MFSD11: variants seen among roughly 807,000 people sequenced by gnomAD.
MFSD11 encodes major facilitator superfamily domain containing 11, also known as UNC93-like protein MFSD11.
MFSD11 carries 36 observed loss-of-function variants against 53.5 expected under a neutral mutation model. The ratio of observed to expected loss-of-function variants is 0.67; its 90% CI spans 0.52 to 0.89. The LOEUF is 0.89. Among genes scored for constraint, MFSD11 ranks in the 40% least tolerant of loss-of-function variants. MFSD11 has a pLI of 0.00. For synonymous variants in MFSD11, 186 were observed against 184.9 expected (o/e 1.01, Z -0.05); for missense variants, 530 against 543.9 (o/e 0.97, Z 0.25).
the MFSD11 span, among the ~76,000 whole-genome samples, chr17:76,791,598 T>C: frequency 6.7e-6 from 1 of 148,744 alleles, no homozygotes; most frequent in African/African-American, 2.5e-5. Context: ...GCTGAATCCA[T>C]GTGCCGTGGG....
rs1022761039 is a variant in MFSD11, at chr17:76,743,337, T to A, written c.438-61T>A. ...AACAAATAATGGGAATAATTATTTT[T>A]AAAAAACTATAAATATTAAAATAAT... On this transcript the variant is annotated intron_variant, in intron 5 of 12. Coordinates refer to ENST00000685175, the MANE Select transcript of MFSD11 (RefSeq NM_001242532.5). The A allele has an allele frequency of 4.6e-5, 51 of 1,114,996 alleles. 1 individual carries two copies. Among genetic ancestry groups the A allele is most frequent in the South Asian group, 2.2e-4 (14 of 63,534 alleles). 69.1% of individuals were successfully genotyped at this position (1,114,996 alleles called of 1,614,324 possible). A position where few individuals can be genotyped will look rare whatever the true frequency, so the allele number is the denominator to read the frequency against.
intron 1 of MFSD11, 49 bp downstream of exon 1, chr17:76,738,497 G>C: frequency 7.4e-7 from 1 of 1,344,602 alleles, no homozygotes; most frequent in South Asian, 1.2e-5. Flanking sequence ...TCATAATGCA[G>C]TCCAGAAATG....
At chr17:76,784,841 T>G (rs181607472), downstream of MFSD11, among the ~76,000 whole-genome samples, 522 of 151,532 alleles carry the variant, frequency 3.4e-3, 2 homozygotes, top group Non-Finnish European at 4.9e-3. Flanking sequence ...AGAGGTTACA[T>G]CAAGCAGAGA....
At chr17:76,747,626 C>T (rs1180934080) in intron 7 of MFSD11, among the ~76,000 whole-genome samples, 1 of 152,162 alleles carries the variant, frequency 6.6e-6, no homozygotes, top group Non-Finnish European at 1.5e-5. Context: ...AGCCACCGCG[C>T]CTGGCAAAAC....
downstream of MFSD11, among the ~76,000 whole-genome samples, chr17:76,780,134 A>G (rs1466735057): frequency 6.6e-6 from 1 of 152,190 alleles, no homozygotes; most frequent in African/African-American, 2.4e-5. Context: ...GTCCCATTTT[A>G]AAGTGTACAT....
downstream of MFSD11, among the ~76,000 whole-genome samples, chr17:76,786,258 C>T (rs1349271871): frequency 6.6e-6 from 1 of 151,078 alleles, no homozygotes; most frequent in Non-Finnish European, 1.5e-5. Context: ...GATTCTCCTG[C>T]CTCAGCCTCC....
chr17:76,759,144 C>G (rs1020568866), intron 8 of MFSD11, among the ~76,000 whole-genome samples: 1 of 152,084 alleles, frequency 6.6e-6, no homozygotes, highest in Non-Finnish European at 1.5e-5. Context: ...GCTATTAATA[C>G]TTGGAGGGCT....
intron 8 of MFSD11, among the ~76,000 whole-genome samples, chr17:76,759,206 A>G (rs1421888525): frequency 6.6e-6 from 1 of 152,156 alleles, no homozygotes; most frequent in African/African-American, 2.4e-5. Context: ...GAGAATTATG[A>G]TCACACCACT....
chr17:76,774,947 A>G lies in MFSD11; in HGVS notation c.875-50A>G, dbSNP rs1444401312. 3 of 1,577,012 alleles carry G rather than the reference A, an allele frequency of 1.9e-6. No individual in the cohort carries two copies. In the African/African-American group the frequency reaches 4.1e-5, roughly 21 times the overall value. On this transcript the variant is annotated intron_variant, in intron 10 of 12. Transcript: ENST00000685175. ...CCTTGGTGGTAACTCAGGCCTGGGT[A>G]TGTGATGTTTCGGCAACATTAGTGA... is the stretch of plus-strand genomic sequence containing the variant.
At chr17:76,762,542 C>T (rs1372403200) in intron 8 of MFSD11, among the ~76,000 whole-genome samples, 3 of 151,800 alleles carry the variant, frequency 2.0e-5, no homozygotes, top group Non-Finnish European at 1.5e-5. Context: ...TGGCGGGCAC[C>T]TGTAGTCCCA....
At chr17:76,741,824 T>C (rs964942891) in intron 3 of MFSD11, 145 bp from the exon 4 acceptor site, 1 of 1,253,920 alleles carries the variant, frequency 8.0e-7, no homozygotes, top group Non-Finnish European at 1.1e-6. Context: ...GAAAGTTGAT[T>C]GTGTCCCTTT....
At chr17:76,744,884 G>T (rs1753920371) in intron 7 of MFSD11, among the ~76,000 whole-genome samples, 1 of 152,220 alleles carries the variant, frequency 6.6e-6, no homozygotes, top group South Asian at 2.1e-4. Flanking sequence ...GAGTGGCAGG[G>T]CCAGTGATGG....
chr17:76,756,850 ACT>A (rs2079690212), intron 8 of MFSD11, among the ~76,000 whole-genome samples: 4 of 149,278 alleles, frequency 2.7e-5, no homozygotes, highest in Non-Finnish European at 5.9e-5. Context: ...ACAGAGTGAG[ACT>A]CCATCTCAGA....
chr17:76,753,700 A>AAAAAG lies in MFSD11; in HGVS notation c.642-344_642-343insAGAAA, dbSNP rs1555667687. ...GCGACCCTGTCTCAAAAAAAAAAAA[A>AAAAAG]AAAGAAAGAAAGAAAGAAAGTGAAA... On this transcript the variant is annotated intron_variant, in intron 7 of 12. Coordinates refer to ENST00000685175, the MANE Select transcript of MFSD11 (RefSeq NM_001242532.5). Among the ~76,000 whole-genome samples, 11 of 150,536 alleles carry AAAAAG rather than the reference A, an allele frequency of 7.3e-5. No homozygotes were observed. The East Asian group carries it at 9.7e-4, about 13-fold the overall frequency.
At chr17:76,788,683 C>T in the MFSD11 span, among the ~76,000 whole-genome samples, 3 of 148,512 alleles carry the variant, frequency 2.0e-5, no homozygotes, top group African/African-American at 7.4e-5. Context: ...AACCCCATCT[C>T]TACTAAAAAC....
chr17:76,775,040 T>G lies in MFSD11; in HGVS notation c.918T>G (p.Gly306=), dbSNP rs768336590. ...TGCTGAGCAAGAACAATCGTTTTGGTAGAAATCCAGTTGTGCTGTTGGGCA... is the reference window on the plus strand; with the variant it reads ...TGCTGAGCAAGAACAATCGTTTTGGGAGAAATCCAGTTGTGCTGTTGGGCA... ...FGLLSKNNRF[G]RNPVVLLGIL... is the part of the protein sequence containing the mutation. The change falls in exon 11 of 13, where the codon GGT becomes GGG. Residue 306 remains glycine, a synonymous_variant. Coordinates refer to ENST00000685175, the MANE Select transcript of MFSD11 (RefSeq NM_001242532.5). 7 of 1,614,090 alleles carry G rather than the reference T, an allele frequency of 4.3e-6. No individual in the cohort carries two copies. The East Asian group carries it at 1.6e-4, about 36-fold the overall frequency.
chr17:76,787,563 G>A, the MFSD11 span, among the ~76,000 whole-genome samples: 5 of 150,186 alleles, frequency 3.3e-5, 1 homozygote, highest in African/African-American at 1.2e-4. Flanking sequence ...GTTACTTTTG[G>A]TCCTCCAAGA....
intron 8 of MFSD11, among the ~76,000 whole-genome samples, chr17:76,759,756 C>CT (rs1159131964): frequency 0.21 from 5,620 of 26,900 alleles, 1,721 homozygotes; most frequent in Non-Finnish European, 0.26. Context: ...CGTGACCGGC[C>CT]TTTTTTTTTT....
At chr17:76,745,086 T>C (rs2078417683) in intron 7 of MFSD11, among the ~76,000 whole-genome samples, 1 of 152,248 alleles carries the variant, frequency 6.6e-6, no homozygotes, top group South Asian at 2.1e-4. Context: ...CATGACAGGC[T>C]AGTGATCTGC....
Sources: gnomAD v4.1 joint callset for allele counts (sites outside exome capture counted in the v4.1 genomes callset) on GRCh38, gnomAD v4.1.1 for gene constraint, MANE v1.5 for transcripts, NCBI Gene and HGNC (gene_info 2026-07-23, HGNC 2026-07-21) for gene names.